Variants in SLX9 observed in about 807,000 individuals in gnomAD.
The protein encoded by SLX9 is ribosome biogenesis protein SLX9 homolog.
Under a neutral mutation model 20.8 loss-of-function variants are expected in SLX9, and 19 were observed. The observed-to-expected ratio is 0.91, with a 90% CI of 0.64 to 1.34. SLX9 has a LOEUF of 1.34. SLX9 is among the 40% of genes most tolerant of loss of function. The probability of loss-of-function intolerance (pLI) is 0.00; values close to 1 mark genes in which losing one functional copy is unlikely to be tolerated. For missense variants in SLX9, 299 were observed against 322.2 expected (o/e 0.93, Z 0.55); for synonymous variants, 113 against 137.1 (o/e 0.82, Z 1.23).
In SLX9 at chr21:44,952,210, G is replaced by T. The variant is rs897671089; in HGVS notation, c.284-7890G>T. ...AGGTTCACTCAGGCCTTTGTGGGCC[G>T]TGCAAGTCTGGATCTCACCGGCTTG... On this transcript the variant is annotated intron_variant, in intron 2 of 5. Coordinates refer to ENST00000291634, the MANE Select transcript of SLX9 (RefSeq NM_058190.4). 3.3e-4 allele frequency among the ~76,000 whole-genome samples: 50 copies of T among 152,228 alleles called. 4 individuals carry two copies. The highest frequency in any genetic ancestry group is 1.2e-3 in the African/African-American group (50 of 41,448).
At chr21:44,971,313 G>T (rs1012556997) in intron 4 of SLX9, among the ~76,000 whole-genome samples, 1 of 152,150 alleles carries the variant, frequency 6.6e-6, no homozygotes, top group Non-Finnish European at 1.5e-5. Flanking sequence ...CGTCCCTGCC[G>T]GTGCTTGCCC....
intron 1 of SLX9, among the ~76,000 whole-genome samples, chr21:44,940,421 G>A (rs1227688363): frequency 6.6e-6 from 1 of 152,254 alleles, no homozygotes; most frequent in African/African-American, 2.4e-5. Context: ...AGGGGAGAGA[G>A]CCAGGAACCT....
intron 2 of SLX9, among the ~76,000 whole-genome samples, chr21:44,954,139 G>A (rs1237843002): frequency 1.3e-5 from 2 of 152,194 alleles, no homozygotes; most frequent in Non-Finnish European, 2.9e-5. Flanking sequence ...AACACTGGGG[G>A]TGGGTGTGGA....
upstream of SLX9, chr21:44,939,913 C>A: frequency 1.2e-6 from 1 of 822,424 alleles, no homozygotes; most frequent in Non-Finnish European, 1.7e-6. Context: ...ACACCCGCGA[C>A]CCTGCGCCCG....
chr21:44,951,044 C>T (rs11702328), intron 2 of SLX9, among the ~76,000 whole-genome samples: 61,567 of 151,896 alleles, frequency 0.41, 14,998 homozygotes, highest in South Asian at 0.64. Flanking sequence ...CAGGCTAAGC[C>T]TTCATCGGAT....
At chr21:44,939,914 C>T, upstream of SLX9, 1 of 842,790 alleles carries the variant, frequency 1.2e-6, no homozygotes, top group Admixed American at 4.1e-5. Flanking sequence ...CACCCGCGAC[C>T]CTGCGCCCGC....
intron 2 of SLX9, among the ~76,000 whole-genome samples, chr21:44,952,727 G>A (rs1325918634): frequency 2.0e-5 from 3 of 152,206 alleles, no homozygotes; most frequent in African/African-American, 7.2e-5. Flanking sequence ...TGTGCTCCGG[G>A]CGCCCCCCTG....
chr21:44,952,503 CTCCTTCT>C (rs2084776927), intron 2 of SLX9, among the ~76,000 whole-genome samples: 1 of 152,286 alleles, frequency 6.6e-6, no homozygotes, highest in African/African-American at 2.4e-5. Context: ...CCCCAGGGCC[CTCCTTCT>C]CCCCTGCAGG....
At chr21:44,974,940 G>A (rs574373297) in intron 5 of SLX9, among the ~76,000 whole-genome samples, 27 of 152,288 alleles carry the variant, frequency 1.8e-4, no homozygotes, top group African/African-American at 4.8e-4. Flanking sequence ...TCTGTCGCCC[G>A]CACCCCTCGG....
At chr21:44,965,658 G>A (rs1165878554) in intron 3 of SLX9, among the ~76,000 whole-genome samples, 5 of 152,260 alleles carry the variant, frequency 3.3e-5, no homozygotes, top group East Asian at 1.9e-4. Flanking sequence ...GGCATTTCCC[G>A]GGAGAACCAT....
At chr21:44,943,533 T>C in intron 1 of SLX9, 151 bp from the exon 2 acceptor site, 1 of 1,041,274 alleles carries the variant, frequency 9.6e-7, no homozygotes, top group Non-Finnish European at 1.4e-6. Context: ...CTCTGGGAGG[T>C]GAGGGTTGTT....
rs764807371 is a variant in SLX9 at position 44,967,039 on chromosome 21, G to A, written c.358G>A (p.Glu120Lys). The A allele has an allele frequency of 1.9e-5, 30 of 1,609,790 alleles. No individual in the cohort carries two copies. In the South Asian group the frequency reaches 1.9e-4, roughly 10 times the overall value. Residue 120 changes from glutamate (E) to lysine (K), a missense_variant, in exon 4 of 6, where the codon GAA becomes AAA. Transcript: ENST00000291634. ...CGTCGTTTCTCCTTCCTTAGAAATC[G>A]AAGCCATAAAACTGGCTGAGCAGAA... ...LRREQWLQKI[E>K]AIKLAEQKHR... is the part of the protein sequence containing the mutation.
Position 44,967,098 on chromosome 21 carries a change from G to A in SLX9, c.417G>A (p.Val139=), listed in dbSNP as rs754179261. Residue 139 remains valine (V), a synonymous_variant, in exon 4 of 6, where the codon GTG becomes GTA. Transcript: ENST00000291634. ...HREERRRRAT[V]VVGDLHPLRD... is the part of the protein sequence containing the mutation. ...AGGAGCGGAGGCGGAGGGCCACGGT[G>A]GTGGTGGGGGACCTGCACCCTCTCA... 4 of 1,611,524 alleles carry A rather than the reference G, an allele frequency of 2.5e-6. No homozygotes were observed. The highest frequency in any genetic ancestry group is 3.4e-6 in the Non-Finnish European group (4 of 1,179,576).
chr21:44,953,589 G>GCACCATCCCCGGCGGTGGGGCCC, intron 2 of SLX9, among the ~76,000 whole-genome samples: 1 of 152,224 alleles, frequency 6.6e-6, no homozygotes, highest in African/African-American at 2.4e-5. Context: ...AGCCTGTCCT[G>GCACCATCCCCGGCGGTGGGGCCC]TGTTGACTTA....
intron 5 of SLX9, among the ~76,000 whole-genome samples, chr21:44,975,358 G>A (rs535412729): frequency 7.4e-4 from 112 of 152,356 alleles, no homozygotes; most frequent in African/African-American, 2.6e-3. Flanking sequence ...CCCCGTCTAT[G>A]GGTCTCTGTT....
At chr21:44,948,955 C>T (rs1176174586) in intron 2 of SLX9, among the ~76,000 whole-genome samples, 2 of 152,222 alleles carry the variant, frequency 1.3e-5, no homozygotes, top group Non-Finnish European at 2.9e-5. Context: ...CCCTCAGCCC[C>T]CGCCTTGGCT....
chr21:44,959,104 C>T (rs1264714788), intron 2 of SLX9: 2 of 577,572 alleles, frequency 3.5e-6, no homozygotes, highest in South Asian at 7.7e-5. Context: ...GGGATTAAAT[C>T]CTGCGGGAGC....
At chr21:44,957,358 G>A (rs77327353) in intron 2 of SLX9, among the ~76,000 whole-genome samples, 2 of 152,318 alleles carry the variant, frequency 1.3e-5, no homozygotes, top group South Asian at 4.1e-4. Context: ...GTCCCCACAC[G>A]CTGCTCGTGA....
chr21:44,953,798 T>G (rs1009845527), intron 2 of SLX9, among the ~76,000 whole-genome samples: 3 of 152,192 alleles, frequency 2.0e-5, no homozygotes, highest in African/African-American at 7.2e-5. Flanking sequence ...CCCGGGGAGC[T>G]CTTGGCCATG....
Sources: allele counts gnomAD v4.1 joint callset (sites outside exome capture counted in the v4.1 genomes callset), GRCh38; gene constraint gnomAD v4.1.1; transcripts MANE v1.5; gene names NCBI Gene and HGNC (gene_info 2026-07-23, HGNC 2026-07-21).